The following DLG5 variants were observed in gnomAD, a reference collection of about 807,000 sequenced individuals.
DLG5 encodes the protein disks large homolog 5.
A neutral mutation model predicts 189.8 loss-of-function variants in DLG5; 48 were observed. That is an observed-to-expected ratio of 0.25 (90% CI 0.20 to 0.32). The LOEUF (loss-of-function observed/expected upper bound fraction) is 0.32, where lower values mean the gene tolerates loss of function less well. Among genes scored for constraint, DLG5 ranks in the 10% least tolerant of loss-of-function variants. The probability of loss-of-function intolerance (pLI) is 1.00; values close to 1 mark genes in which losing one functional copy is unlikely to be tolerated. For missense variants in DLG5, 2,160 were observed against 2,544.7 expected (o/e 0.85, Z 3.25); for synonymous variants, 1,016 against 1,054.1 (o/e 0.96, Z 0.70).
chr10:77,816,848 C>A (rs1842079265), intron 19 of DLG5, 147 bp from the exon 20 acceptor site: 1 of 1,369,270 alleles, frequency 7.3e-7, no homozygotes, highest in Admixed American at 2.0e-5. Flanking sequence ...TCTGCATTGC[C>A]CCCTACCCCC....
Position 77,796,280 on chromosome 10 carries a change from A to C in DLG5, c.5309-92T>G. ...GGAAGAACACTGCTCAGCAGCTGTCAGTAACCCAGTCCTGCCATGCATGAA... is the reference window on the plus strand; with the variant it reads ...GGAAGAACACTGCTCAGCAGCTGTCCGTAACCCAGTCCTGCCATGCATGAA... On this transcript the variant is annotated intron_variant, in intron 28 of 31. Coordinates refer to ENST00000372391, the MANE Select transcript of DLG5 (RefSeq NM_004747.4). This position sits in a 1 kb window ranked among gnomAD's most constrained non-coding sequence, Gnocchi z 5.2. 1 of 1,602,444 alleles carries C rather than the reference A, an allele frequency of 6.2e-7. No individual in the cohort carries two copies.
rs1215359806 is a variant in DLG5 at position 77,926,480 on chromosome 10, T to C, written c.41A>G (p.Gln14Arg). ...QRRELLAQCQ[Q>R]SLAQAMTEVE... is the part of the protein sequence containing the mutation. Reference sequence around the variant, plus strand: ...CTCCGTCATGGCCTGGGCCAGGCTCTGCTGACACTGGGCGAGCAGCTCCCG... The same window carrying C: ...CTCCGTCATGGCCTGGGCCAGGCTCCGCTGACACTGGGCGAGCAGCTCCCG... Residue 14 changes from glutamine to arginine, a missense_variant, in exon 1 of 32, where the codon CAG becomes CGG. By Grantham distance (43) the Gln-to-Arg change is conservative. Around this residue, in one of 5 missense-constraint regions of DLG5, gnomAD observed 664 missense variants for 838.5 expected, o/e 0.79. Coordinates refer to ENST00000372391, the MANE Select transcript of DLG5 (RefSeq NM_004747.4). The surrounding 1 kb of genome is among the most constrained non-coding windows in gnomAD (Gnocchi z 5.2). 2 of 1,469,454 alleles carry C rather than the reference T, an allele frequency of 1.4e-6. No homozygotes were observed. The highest frequency in any genetic ancestry group is 1.8e-6 in the Non-Finnish European group (2 of 1,106,514). 91.0% of individuals were successfully genotyped at this position (1,469,454 alleles called of 1,614,324 possible). A position where few individuals can be genotyped will look rare whatever the true frequency, so the allele number is the denominator to read the frequency against.
At chr10:77,798,163 G>A (rs573951352) in intron 27 of DLG5, among the ~76,000 whole-genome samples, 1 of 152,218 alleles carries the variant, frequency 6.6e-6, no homozygotes, top group African/African-American at 2.4e-5. Flanking sequence ...CTCCAGCCTG[G>A]GCAACAGAGC....
rs1219275315 is a variant in DLG5, at chr10:77,792,347, A to C, written c.*93T>G. The C allele has an allele frequency of 1.6e-6, 2 of 1,266,404 alleles. No individual in the cohort carries two copies. The highest frequency in any genetic ancestry group is 2.3e-6 in the Non-Finnish European group (2 of 869,256). 78.4% of individuals were successfully genotyped at this position (1,266,404 alleles called of 1,614,324 possible). On this transcript the variant is annotated 3_prime_UTR_variant, in exon 32 of 32. Transcript: ENST00000372391. ...GGATCCTTCCCCCGCATGTTCATAGACGGACAGACTTCTACTTTCAGTCGC... is the reference window on the plus strand; with the variant it reads ...GGATCCTTCCCCCGCATGTTCATAGCCGGACAGACTTCTACTTTCAGTCGC...
At chr10:77,816,277 T>G in intron 20 of DLG5, 1 of 676,548 alleles carries the variant, frequency 1.5e-6, no homozygotes, top group Non-Finnish European at 2.7e-6. Context: ...CCCAGGAAGG[T>G]GTAAATGGTG....
chr10:77,840,333 T>C (rs1195493695), intron 7 of DLG5, among the ~76,000 whole-genome samples: 1 of 151,904 alleles, frequency 6.6e-6, no homozygotes, highest in Non-Finnish European at 1.5e-5. Context: ...GAGCTATGAT[T>C]GTGCCACTGC....
chr10:77,837,918 C>G (rs753537342), intron 7 of DLG5, among the ~76,000 whole-genome samples: 2 of 152,238 alleles, frequency 1.3e-5, no homozygotes, highest in Non-Finnish European at 2.9e-5. Flanking sequence ...GGCCTATGGG[C>G]TGCAACCCAG....
intron 1 of DLG5, among the ~76,000 whole-genome samples, chr10:77,871,536 CTTTT>C (rs34326711): frequency 6.0e-5 from 5 of 83,910 alleles, no homozygotes; most frequent in East Asian, 7.3e-4. Context: ...AAGCATCACA[CTTTT>C]TTTTTTTTTT....
At chr10:77,880,926 C>T (rs1371625442) in intron 1 of DLG5, among the ~76,000 whole-genome samples, 5 of 146,260 alleles carry the variant, frequency 3.4e-5, no homozygotes, top group African/African-American at 1.0e-4. Context: ...CAGAGGGTCC[C>T]AACTCAAGCA....
At chr10:77,911,231 G>A (rs1161121830) in intron 1 of DLG5, among the ~76,000 whole-genome samples, 2 of 151,988 alleles carry the variant, frequency 1.3e-5, no homozygotes, top group Non-Finnish European at 2.9e-5. Context: ...AGGTTCAAGG[G>A]ATCCTCCCAC....
At chr10:77,807,307 G>A (rs1349067951) in intron 25 of DLG5, among the ~76,000 whole-genome samples, 1 of 152,152 alleles carries the variant, frequency 6.6e-6, no homozygotes, top group Non-Finnish European at 1.5e-5. Flanking sequence ...TAGAGACAGG[G>A]AGTTGTACCG....
chr10:77,933,675 GAT>G, the DLG5 span, among the ~76,000 whole-genome samples: 9 of 151,664 alleles, frequency 5.9e-5, no homozygotes, highest in East Asian at 1.6e-3. Flanking sequence ...AGTGAGGAGA[GAT>G]CGTGCCACTG....
At chr10:77,877,769 T>C (rs533846507) in intron 1 of DLG5, among the ~76,000 whole-genome samples, 1 of 152,122 alleles carries the variant, frequency 6.6e-6, no homozygotes, top group Non-Finnish European at 1.5e-5. Flanking sequence ...GGGGCCATCG[T>C]GCTATGCCCT....
chr10:77,926,272 C>T lies in DLG5; in HGVS notation c.249G>A (p.Leu83=). 4 of 1,581,130 alleles carry T rather than the reference C, an allele frequency of 2.5e-6. No homozygotes were observed. The highest frequency in any genetic ancestry group is 2.4e-5 in the East Asian group (1 of 42,550). The change falls in exon 1 of 32, where the codon CTG becomes CTA. Residue 83 remains leucine (L), a synonymous_variant. Transcript: ENST00000372391. This position sits in a 1 kb window ranked among gnomAD's most constrained non-coding sequence, Gnocchi z 5.2. ...AALEKTQPHL[L]PILYLNGVVG... Reference sequence around the variant, plus strand: ...CGACGCCGTTCAGGTAGAGAATGGGCAGCAGGTGAGGCTGCGTCTTCTCCA... The same window carrying T: ...CGACGCCGTTCAGGTAGAGAATGGGTAGCAGGTGAGGCTGCGTCTTCTCCA...
At chr10:77,841,834 G>T in intron 7 of DLG5, 47 bp downstream of exon 7, 1 of 1,570,568 alleles carries the variant, frequency 6.4e-7, no homozygotes. Context: ...CTCTTCCCGG[G>T]ATGCTGTAGG....
chr10:77,824,730 G>C (rs777712809), intron 13 of DLG5: 17 of 430,026 alleles, frequency 4.0e-5, no homozygotes, highest in Non-Finnish European at 7.0e-5. Flanking sequence ...TCAGAACACC[G>C]AGGACCCGGA....
intron 1 of DLG5, among the ~76,000 whole-genome samples, chr10:77,921,032 T>C (rs1257260871): frequency 1.3e-5 from 2 of 152,152 alleles, no homozygotes; most frequent in Non-Finnish European, 2.9e-5. Flanking sequence ...TGCCACTTCC[T>C]CTTAAATAAC....
At chr10:77,922,726 C>T (rs1846572139) in intron 1 of DLG5, among the ~76,000 whole-genome samples, 1 of 152,134 alleles carries the variant, frequency 6.6e-6, no homozygotes, top group South Asian at 2.1e-4. Flanking sequence ...GGGGCTGCCA[C>T]AGAGTTAATG....
rs1412462546 is a variant in DLG5 at position 77,926,117 on chromosome 10, C to T, written c.304+100G>A. The T allele has an allele frequency of 3.2e-6, 4 of 1,234,604 alleles. No homozygotes were observed. The highest frequency in any genetic ancestry group is 2.7e-5 in the South Asian group (1 of 37,224). The allele number at this position is 1,234,604 out of a possible 1,614,324, so 76.5% of individuals were successfully genotyped here. The stretch of plus-strand genomic sequence containing the variant: ...AGAGGAGCGAGTCCACCGAGGCCAT[C>T]GCCAGGTGGAGCGGCGGCCCCGGCG... On this transcript the variant is annotated intron_variant, in intron 1 of 31. Coordinates refer to ENST00000372391, the MANE Select transcript of DLG5 (RefSeq NM_004747.4). The surrounding 1 kb of genome is among the most constrained non-coding windows in gnomAD (Gnocchi z 5.2).
Sources: gnomAD v4.1 joint callset for allele counts (sites outside exome capture counted in the v4.1 genomes callset) on GRCh38, gnomAD v4.1.1 for gene constraint, gnomAD v4.1.1 regional missense constraint, Gnocchi (gnomAD v3.1) non-coding constraint, MANE v1.5 for transcripts, NCBI Gene and HGNC (gene_info 2026-07-23, HGNC 2026-07-21) for gene names.